The following APOL5 variants were observed in gnomAD, a reference collection of about 807,000 sequenced individuals.
The protein encoded by APOL5 is apolipoprotein L, 5.
A neutral mutation model predicts 35.5 loss-of-function variants in APOL5; 29 were observed. The observed-to-expected ratio is 0.82, with a 90% CI of 0.61 to 1.11. APOL5 has a LOEUF of 1.11. Among genes scored for constraint, APOL5 ranks in the 50% most tolerant of loss-of-function variants. The probability of loss-of-function intolerance (pLI) is 0.00; values close to 1 mark genes in which losing one functional copy is unlikely to be tolerated. For synonymous variants in APOL5, 188 were observed against 200.2 expected, an observed-to-expected ratio of 0.94 and a Z score of 0.51; for missense variants, 514 against 530.4, an observed-to-expected ratio of 0.97 and a Z score of 0.30.
Position 35,727,009 on chromosome 22 carries a change from G to A in APOL5, c.941G>A (p.Trp314Ter). ...MKDMSSFLQS[W>*]KHLEDGARTE... The stretch of plus-strand genomic sequence containing the variant: ...GACATGAGCAGCTTCCTGCAGAGCT[G>A]GAAGCACCTGGAGGATGGGGCAAGG... The change falls in exon 3 of 5, where the codon TGG (tryptophan) becomes TAG (stop). Residue 314 changes from tryptophan to a stop codon, truncating the protein, a stop_gained. Transcript: ENST00000249044. LOFTEE classifies it high-confidence loss of function. 1 of 1,614,124 alleles carries A rather than the reference G, an allele frequency of 6.2e-7. No individual in the cohort carries two copies. Among genetic ancestry groups the A allele is most frequent in the Non-Finnish European group, 8.5e-7 (1 of 1,179,984 alleles).
At chr22:35,725,930 A>G (rs1475977588) in intron 2 of APOL5, among the ~76,000 whole-genome samples, 1 of 152,180 alleles carries the variant, frequency 6.6e-6, no homozygotes, top group African/African-American at 2.4e-5. Context: ...CTAGGCAAGA[A>G]GGGGGTTTGT....
chr22:35,726,302 G>A lies in APOL5; in HGVS notation c.234G>A (p.Leu78=), dbSNP rs144026735. ...AGGCTGGTATGCTGTCCTACTTTCT[G>A]TTTGAAGAGCTGATGCGATGTGACA... is the stretch of plus-strand genomic sequence containing the variant. The part of the protein sequence containing the change: ...SDEAGMLSYF[L]FEELMRCDKD... The change falls in exon 3 of 5, where the codon CTG becomes CTA. Residue 78 remains leucine (L), a synonymous_variant. Coordinates refer to ENST00000249044, the MANE Select transcript of APOL5 (RefSeq NM_030642.1). 16 of 1,614,062 alleles carry A rather than the reference G, an allele frequency of 9.9e-6. No individual in the cohort carries two copies. The African/African-American group carries it at 2.0e-4, about 20-fold the overall frequency.
chr22:35,718,084 G>C (rs192478083), intron 1 of APOL5, among the ~76,000 whole-genome samples, 158 bp downstream of exon 1: 101 of 152,322 alleles, frequency 6.6e-4, no homozygotes, highest in Non-Finnish European at 1.3e-4. Flanking sequence ...GAGATATCAT[G>C]AGACCCTCTC....
intron 1 of APOL5, among the ~76,000 whole-genome samples, chr22:35,718,744 G>A (rs1926853412): frequency 6.6e-6 from 1 of 151,812 alleles, no homozygotes; most frequent in Non-Finnish European, 1.5e-5. Context: ...GAAAATACTT[G>A]TATAACATTA....
Position 35,728,800 on chromosome 22 carries a change from A to C in APOL5, c.1204A>C (p.Lys402Gln). The change falls in exon 4 of 5, where the codon AAG becomes CAG. Residue 402 changes from lysine (K) to glutamine (Q), a missense_variant. Around this residue, in one of 3 missense-constraint regions of APOL5, gnomAD observed 238 missense variants for 229.1 expected, o/e 1.04. Transcript: ENST00000249044. ...LGPGVALRTP[K>Q]RTVSAPRMLG... ...CCCTGGCGTGGCACTGAGGACACCA[A>C]AGAGGACAGTCTCTGCCCCAAGGAT... is the stretch of plus-strand genomic sequence containing the variant. 6.2e-7 allele frequency: 1 copy of C among 1,613,588 alleles called. No individual in the cohort carries two copies. The highest frequency in any genetic ancestry group is 8.5e-7 in the Non-Finnish European group (1 of 1,179,806).
intron 1 of APOL5, among the ~76,000 whole-genome samples, chr22:35,720,011 CCG>C (rs1418641037): frequency 4.6e-5 from 7 of 152,214 alleles, no homozygotes; most frequent in African/African-American, 1.7e-4. Flanking sequence ...TGTCATTCAG[CCG>C]TGGATGACCT....
Position 35,728,917 on chromosome 22 carries a change from C to G in APOL5, c.*6+13C>G, listed in dbSNP as rs1345825609. 7.6e-6 allele frequency: 12 copies of G among 1,569,896 alleles called. No homozygotes were observed. The highest frequency in any genetic ancestry group is 1.0e-5 in the Non-Finnish European group (12 of 1,158,556). On this transcript the variant is annotated intron_variant, in intron 4 of 4. Transcript: ENST00000249044. ...ACAATGAGAAGAGGTAAGTGGGACG[C>G]AAGGAAGCCAGGAGCTGTGGGAACC...
chr22:35,727,014 C>A lies in APOL5; in HGVS notation c.946C>A (p.His316Asn), dbSNP rs910754210. The A allele has an allele frequency of 1.9e-6, 3 of 1,614,072 alleles. No individual in the cohort carries two copies. The highest frequency in any genetic ancestry group is 3.3e-5 in the Admixed American group (2 of 60,022). Residue 316 changes from histidine (H) to asparagine (N), a missense_variant, in exon 3 of 5, where the codon CAC becomes AAC. Physicochemically the swap from His to Asn is moderately conservative, Grantham distance 68. This residue lies in a region of APOL5 where 238 missense variants were observed against 229.1 expected (regional missense o/e 1.04). Transcript: ENST00000249044. ...GAGCAGCTTCCTGCAGAGCTGGAAG[C>A]ACCTGGAGGATGGGGCAAGGACGGA... Reference protein sequence around the residue: ...DMSSFLQSWKHLEDGARTETA... With the variant: ...DMSSFLQSWKNLEDGARTETA...
At chr22:35,709,905 ACCTTGCCATGTTT>A in the APOL5 span, among the ~76,000 whole-genome samples, 1 of 151,406 alleles carries the variant, frequency 6.6e-6, no homozygotes, top group East Asian at 1.9e-4. Flanking sequence ...TCCTCCTGTT[ACCTTGCCATGTTT>A]CCTCTGAGCC....
At chr22:35,711,281 T>A in the APOL5 span, among the ~76,000 whole-genome samples, 1 of 152,228 alleles carries the variant, frequency 6.6e-6, no homozygotes, top group Non-Finnish European at 1.5e-5. Flanking sequence ...CATCCATTCA[T>A]CCATCAATGG....
chr22:35,711,585 T>C, the APOL5 span, among the ~76,000 whole-genome samples: 2 of 151,588 alleles, frequency 1.3e-5, no homozygotes. Flanking sequence ...CCACAATATA[T>C]ATTTCACCAT....
At chr22:35,728,969 G>T (rs1927275466) in intron 4 of APOL5, 65 bp downstream of exon 4, 1 of 1,468,958 alleles carries the variant, frequency 6.8e-7, no homozygotes, top group African/African-American at 1.4e-5. Context: ...CCCCTCCTTG[G>T]GTGGGTGGGC....
In APOL5 at chr22:35,720,628, G is replaced by A. The variant is rs777145664; in HGVS notation, c.116G>A (p.Trp39Ter). 6.2e-7 allele frequency: 1 copy of A among 1,613,850 alleles called. No individual in the cohort carries two copies. The highest frequency in any genetic ancestry group is 1.3e-5 in the African/African-American group (1 of 75,040). ...LRKVIYGGEVWGKSPEPEFPS... is the reference protein window; with the variant it reads ...LRKVIYGGEV ...AAGGTAATCTACGGAGGTGAGGTCT[G>A]GGGGAAGTCCCCAGAACCTGAGTTC... Residue 39 changes from tryptophan (W) to a stop codon, truncating the protein, a stop_gained, in exon 2 of 5, where the codon TGG becomes TAG. Coordinates refer to ENST00000249044, the MANE Select transcript of APOL5 (RefSeq NM_030642.1). LOFTEE classifies it high-confidence loss of function.
At chr22:35,716,187 G>A (rs1421823877), upstream of APOL5, among the ~76,000 whole-genome samples, 1 of 152,144 alleles carries the variant, frequency 6.6e-6, no homozygotes, top group Non-Finnish European at 1.5e-5. Flanking sequence ...AGCATTCCCT[G>A]CACCAAATGC....
upstream of APOL5, among the ~76,000 whole-genome samples, chr22:35,714,876 A>G (rs1926696584): frequency 6.6e-6 from 1 of 152,214 alleles, no homozygotes; most frequent in Non-Finnish European, 1.5e-5. Flanking sequence ...CTTGTAATGG[A>G]AACCACTCAG....
upstream of APOL5, among the ~76,000 whole-genome samples, chr22:35,715,666 T>C (rs1926722396): frequency 6.6e-6 from 1 of 152,050 alleles, no homozygotes; most frequent in Non-Finnish European, 1.5e-5. Context: ...AATATATACA[T>C]ACATACATAA....
At position 35,725,674 on chromosome 22, in the gene APOL5, G is replaced by A. The variant is rs1048892324; in HGVS notation, c.143-537G>A. Reference sequence around the variant, plus strand: ...TCGAAGTCGCCCTCTTGCGCTGAGCGGGTTCCTGGGTAGAGGCCACAAGAC... The same window carrying A: ...TCGAAGTCGCCCTCTTGCGCTGAGCAGGTTCCTGGGTAGAGGCCACAAGAC... On this transcript the variant is annotated intron_variant, in intron 2 of 4. Transcript: ENST00000249044. 4.6e-5 allele frequency among the ~76,000 whole-genome samples: 7 copies of A among 152,244 alleles called. No homozygotes were observed. The South Asian group carries it at 8.3e-4, about 18-fold the overall frequency.
the APOL5 span, among the ~76,000 whole-genome samples, chr22:35,712,206 T>C: frequency 6.6e-6 from 1 of 151,718 alleles, no homozygotes; most frequent in African/African-American, 2.4e-5. Context: ...ACAGGGTCTC[T>C]CTATGTTGCC....
intron 1 of APOL5, among the ~76,000 whole-genome samples, chr22:35,719,500 T>C (rs1466708863): frequency 6.6e-6 from 1 of 152,242 alleles, no homozygotes; most frequent in Non-Finnish European, 1.5e-5. Context: ...GTTAAAAATG[T>C]TATCAATTAA....
Sources: allele counts gnomAD v4.1 joint callset (sites outside exome capture counted in the v4.1 genomes callset), GRCh38; gene constraint gnomAD v4.1.1; regional missense constraint gnomAD v4.1.1; transcripts MANE v1.5; gene names NCBI Gene and HGNC (gene_info 2026-07-23, HGNC 2026-07-21).